The following ACVR1C variants were observed in gnomAD, a reference collection of about 807,000 sequenced individuals.
ACVR1C encodes the protein activin A receptor type 1C.
A neutral mutation model predicts 57.9 loss-of-function variants in ACVR1C; 23 were observed. The observed-to-expected ratio is 0.40, with a 90% CI of 0.29 to 0.56. The LOEUF (loss-of-function observed/expected upper bound fraction) is 0.56, where lower values mean the gene tolerates loss of function less well. Ranked by LOEUF, ACVR1C falls within the 20% of genes least tolerant of loss-of-function variation. The pLI is 0.50. For synonymous variants in ACVR1C, 214 were observed against 215.3 expected, an observed-to-expected ratio of 0.99 and a Z score of 0.05; for missense variants, 480 against 607.9, an observed-to-expected ratio of 0.79 and a Z score of 2.21.
rs1260814405 is a variant in ACVR1C at position 157,533,830 on chromosome 2, AC to A, written c.*87del. The stretch of plus-strand genomic sequence containing the variant: ...TGTACTGTCTTATCTTTGAGGTAGA[AC>A]AAAAAAAAAATGGCAAAAACATTCA... On this transcript the variant is annotated 3_prime_UTR_variant, in exon 9 of 9. Transcript: ENST00000243349. The A allele has an allele frequency of 5.3e-6, 7 of 1,332,054 alleles. No individual in the cohort carries two copies. The South Asian group carries it at 8.5e-5, about 16-fold the overall frequency. The allele number at this position is 1,332,054 out of a possible 1,614,324, so 82.5% of individuals were successfully genotyped here.
intron 2 of ACVR1C, among the ~76,000 whole-genome samples, chr2:157,564,573 A>C (rs1019397378): frequency 7.2e-5 from 11 of 152,330 alleles, no homozygotes; most frequent in Non-Finnish European, 1.2e-4. Flanking sequence ...TAGAACCAGG[A>C]ATACCATTTG....
intron 8 of ACVR1C, among the ~76,000 whole-genome samples, chr2:157,535,941 C>G (rs1687477039): frequency 6.6e-6 from 1 of 152,142 alleles, no homozygotes; most frequent in Admixed American, 6.6e-5. Flanking sequence ...TTGTGGCCCC[C>G]TCATCGGCAT....
intron 8 of ACVR1C, among the ~76,000 whole-genome samples, chr2:157,538,356 G>C (rs912531850): frequency 6.6e-5 from 10 of 152,096 alleles, no homozygotes; most frequent in African/African-American, 2.4e-4. Context: ...AAAGTCTTGT[G>C]GAAAGTCACT....
chr2:157,611,727 T>C (rs1368248749), intron 1 of ACVR1C, among the ~76,000 whole-genome samples: 1 of 152,076 alleles, frequency 6.6e-6, no homozygotes, highest in Admixed American at 6.5e-5. Flanking sequence ...GACAGCAAGC[T>C]GGGGGGGCCA....
chr2:157,593,251 G>A (rs1689084475), intron 1 of ACVR1C, among the ~76,000 whole-genome samples: 1 of 152,130 alleles, frequency 6.6e-6, no homozygotes, highest in African/African-American at 2.4e-5. Flanking sequence ...AACCAAATTT[G>A]TTGATCCGCA....
chr2:157,539,454 T>C (rs1687567960), intron 7 of ACVR1C, among the ~76,000 whole-genome samples: 1 of 152,230 alleles, frequency 6.6e-6, no homozygotes, highest in Non-Finnish European at 1.5e-5. Context: ...TTAAAATATG[T>C]AAGACATGCC....
Position 157,556,341 on chromosome 2 carries a change from T to C in ACVR1C, c.305-9A>G. ...TGGGGCATTTGGTGATGCTACAGTT[T>C]AAAGAAGAAAGAACATGACCATAAA... On this transcript the variant is annotated splice_polypyrimidine_tract_variant and intron_variant, in intron 2 of 8. Coordinates refer to ENST00000243349, the MANE Select transcript of ACVR1C (RefSeq NM_145259.3). 6.2e-7 allele frequency: 1 copy of C among 1,612,686 alleles called. No individual in the cohort carries two copies. Among genetic ancestry groups the C allele is most frequent in the Non-Finnish European group, 8.5e-7 (1 of 1,179,004 alleles).
intron 2 of ACVR1C, among the ~76,000 whole-genome samples, chr2:157,566,287 A>T (rs1195541760): frequency 2.6e-5 from 4 of 152,228 alleles, no homozygotes; most frequent in African/African-American, 9.6e-5. Flanking sequence ...GAAGACACTT[A>T]AAATACTGAT....
rs1157069484 is a variant in ACVR1C at position 157,529,410 on chromosome 2, G to A, written c.*4508C>T. ...TTTAGTAGAAACCCAAAGAAAAGTG[G>A]GATTTTATCATCATCATTGAATGGC... On this transcript the variant is annotated 3_prime_UTR_variant, in exon 9 of 9. Coordinates refer to ENST00000243349, the MANE Select transcript of ACVR1C (RefSeq NM_145259.3). The A allele has an allele frequency of 6.6e-6, 1 of 152,012 alleles. No homozygotes were observed. Among genetic ancestry groups the A allele is most frequent in the Non-Finnish European group, 1.5e-5 (1 of 67,964 alleles). 9.4% of individuals were successfully genotyped at this position (152,012 alleles called of 1,614,324 possible).
intron 2 of ACVR1C, among the ~76,000 whole-genome samples, chr2:157,567,593 A>G (rs2105237056): frequency 5.7e-5 from 1 of 17,450 alleles, no homozygotes; most frequent in Admixed American, 5.7e-4. Flanking sequence ...AGCCGATGCG[A>G]TCAACTGGAA....
At chr2:157,534,155 T>C in intron 8 of ACVR1C, 112 bp from the exon 9 acceptor site, 1 of 880,860 alleles carries the variant, frequency 1.1e-6, no homozygotes, top group Non-Finnish European at 1.5e-6. Flanking sequence ...TTTTTTTTTT[T>C]AAGAGATGGG....
chr2:157,593,681 A>G (rs1573942815), intron 1 of ACVR1C, among the ~76,000 whole-genome samples: 2 of 152,234 alleles, frequency 1.3e-5, no homozygotes, highest in East Asian at 3.8e-4. Context: ...GGAAAGCCAG[A>G]CAGGGTCAAA....
At position 157,544,303 on chromosome 2, in the gene ACVR1C, C is replaced by T. The variant is rs1055224991; in HGVS notation, c.943+142G>A. 1.5e-5 allele frequency: 11 copies of T among 744,506 alleles called. No homozygotes were observed. The African/African-American group carries it at 1.9e-4, about 13-fold the overall frequency. The allele number at this position is 744,506 out of a possible 1,614,324, so 46.1% of individuals were successfully genotyped here. A position where few individuals can be genotyped will look rare whatever the true frequency, so the allele number is the denominator to read the frequency against. On this transcript the variant is annotated intron_variant, in intron 5 of 8. Transcript: ENST00000243349. ...TCAAGTGATCCTCTCACCTAGACTA[C>T]CAAAATGCTGGGATTATGGGTATAA...
chr2:157,573,987 A>G (rs1688586536), intron 2 of ACVR1C, among the ~76,000 whole-genome samples: 1 of 152,210 alleles, frequency 6.6e-6, no homozygotes, highest in Admixed American at 6.5e-5. Flanking sequence ...AGCACAATAC[A>G]TCATGAATGA....
At chr2:157,572,823 GA>G (rs1220256877) in intron 2 of ACVR1C, among the ~76,000 whole-genome samples, 9 of 152,126 alleles carry the variant, frequency 5.9e-5, no homozygotes, top group Admixed American at 5.2e-4. Context: ...TTTTAGGGGG[GA>G]AAAAAGCCTG....
chr2:157,536,279 T>G (rs1018170472), intron 8 of ACVR1C, among the ~76,000 whole-genome samples: 4 of 152,160 alleles, frequency 2.6e-5, no homozygotes, highest in Non-Finnish European at 2.9e-5. Context: ...TTTCCAGAAC[T>G]GAGGAAAGCC....
rs770478516 is a variant in ACVR1C at position 157,562,293 on chromosome 2, C to CA, written c.305-5962dup. Among the ~76,000 whole-genome samples the CA allele has an allele frequency of 5.5e-3, 690 of 125,150 alleles. 9 individuals are homozygous for CA. The highest frequency in any genetic ancestry group is 0.019 in the African/African-American group (596 of 31,654). The allele number at this position is 125,150 out of a possible 152,430, so 82.1% of individuals were successfully genotyped here. ...CTAATGACAGAGCAAGACACCGTCTCAAAAAAAAAAAAATATATATATATA... is the reference window on the plus strand; with the variant it reads ...CTAATGACAGAGCAAGACACCGTCTCAAAAAAAAAAAAAATATATATATATA... On this transcript the variant is annotated intron_variant, in intron 2 of 8. Transcript: ENST00000243349.
intron 1 of ACVR1C, among the ~76,000 whole-genome samples, chr2:157,592,541 T>C (rs1434401427): frequency 6.6e-6 from 1 of 152,086 alleles, no homozygotes; most frequent in African/African-American, 2.4e-5. Context: ...TTATTCCAGT[T>C]CAACTGGCAG....
At chr2:157,612,859 T>C (rs1474906661) in intron 1 of ACVR1C, among the ~76,000 whole-genome samples, 2 of 152,124 alleles carry the variant, frequency 1.3e-5, no homozygotes, top group Non-Finnish European at 2.9e-5. Flanking sequence ...TGTAGAACTA[T>C]AGGGGCTATG....
Sources: allele counts gnomAD v4.1 joint callset (sites outside exome capture counted in the v4.1 genomes callset), GRCh38; gene constraint gnomAD v4.1.1; transcripts MANE v1.5; gene names NCBI Gene and HGNC (gene_info 2026-07-23, HGNC 2026-07-21).